Variants in HYCC2 observed in about 807,000 individuals in gnomAD.
HYCC2 encodes the protein hyccin 2.
the HYCC2 span, among the ~76,000 whole-genome samples, chr2:201,016,289 A>G: frequency 6.6e-6 from 1 of 152,114 alleles, no homozygotes; most frequent in Non-Finnish European, 1.5e-5. Flanking sequence ...AGACATTTGA[A>G]TTGTTTTTTC....
the HYCC2 span, among the ~76,000 whole-genome samples, chr2:201,054,819 CAT>C: frequency 2.6e-5 from 4 of 151,906 alleles, no homozygotes; most frequent in African/African-American, 9.7e-5. Context: ...TCCAAGAAAA[CAT>C]GTCGAATTTT....
At chr2:201,004,551 C>CAGCA in the HYCC2 span, among the ~76,000 whole-genome samples, 1 of 152,180 alleles carries the variant, frequency 6.6e-6, no homozygotes, top group African/African-American at 2.4e-5. Context: ...AAACAGATGC[C>CAGCA]AGCAGTCTCT....
At chr2:201,055,529 T>C in the HYCC2 span, among the ~76,000 whole-genome samples, 1 of 151,664 alleles carries the variant, frequency 6.6e-6, no homozygotes, top group African/African-American at 2.4e-5. Flanking sequence ...CAAAACCCTG[T>C]CTCAATAAAA....
chr2:201,030,220 A>T, the HYCC2 span, among the ~76,000 whole-genome samples: 48,239 of 152,114 alleles, frequency 0.32, 10,125 homozygotes, highest in African/African-American at 0.6. Context: ...CTGACCTTTG[A>T]TTTTTATTTA....
At chr2:201,020,185 C>T in the HYCC2 span, among the ~76,000 whole-genome samples, 1 of 152,272 alleles carries the variant, frequency 6.6e-6, no homozygotes, top group Admixed American at 6.5e-5. Context: ...TGATTCTGAC[C>T]TCCCTTAAAT....
chr2:200,995,691 C>T, the HYCC2 span, among the ~76,000 whole-genome samples: 1 of 152,186 alleles, frequency 6.6e-6, no homozygotes, highest in Non-Finnish European at 1.5e-5. Context: ...AACTTCTGAG[C>T]CTCAGATGAG....
the HYCC2 span, chr2:201,016,891 G>A: frequency 4.1e-6 from 5 of 1,228,174 alleles, no homozygotes; most frequent in East Asian, 1.2e-4. Flanking sequence ...ATGAGCCACT[G>A]CGCCTGGCCA....
the HYCC2 span, among the ~76,000 whole-genome samples, chr2:201,005,111 T>C: frequency 6.6e-6 from 1 of 151,756 alleles, no homozygotes; most frequent in East Asian, 1.9e-4. Flanking sequence ...ATGAAAGCAA[T>C]TGAAAAATGA....
chr2:201,042,687 A>C, the HYCC2 span, among the ~76,000 whole-genome samples: 16 of 147,906 alleles, frequency 1.1e-4, no homozygotes, highest in Middle Eastern at 7.3e-3. Flanking sequence ...GCAGCCGCCC[A>C]GTCCGGGAGC....
chr2:201,016,977 C>T, the HYCC2 span: 9 of 1,606,810 alleles, frequency 5.6e-6, 1 homozygote, highest in East Asian at 1.8e-4. Flanking sequence ...CCCAAACTGT[C>T]ATCTTCAACT....
chr2:201,027,511 A>C, the HYCC2 span, among the ~76,000 whole-genome samples: 2 of 152,198 alleles, frequency 1.3e-5, no homozygotes, highest in African/African-American at 4.8e-5. Flanking sequence ...GACACAACAA[A>C]AAAAGAGAAT....
the HYCC2 span, among the ~76,000 whole-genome samples, chr2:201,019,360 T>G: frequency 6.6e-6 from 1 of 152,142 alleles, no homozygotes; most frequent in South Asian, 2.1e-4. Flanking sequence ...AAATACAGGG[T>G]TACCAGCATT....
At chr2:201,018,686 T>C in the HYCC2 span, among the ~76,000 whole-genome samples, 1 of 152,146 alleles carries the variant, frequency 6.6e-6, no homozygotes, top group African/African-American at 2.4e-5. Context: ...TAAAAAATTT[T>C]CCAGAGGCTG....
At chr2:201,023,649 C>G in the HYCC2 span, 1 of 193,166 alleles carries the variant, frequency 5.2e-6, no homozygotes, top group Admixed American at 6.0e-5. Flanking sequence ...GGCATAAATC[C>G]TATTTTTGTG....
the HYCC2 span, among the ~76,000 whole-genome samples, chr2:201,046,224 G>C: frequency 6.6e-6 from 1 of 152,200 alleles, no homozygotes; most frequent in Non-Finnish European, 1.5e-5. Context: ...TTCTTAGAAA[G>C]TAATAACTAT....
At chr2:200,994,287 A>C in the HYCC2 span, among the ~76,000 whole-genome samples, 2 of 152,012 alleles carry the variant, frequency 1.3e-5, no homozygotes, top group East Asian at 3.9e-4. Context: ...CGCAGACTGG[A>C]AGTACAGTGG....
the HYCC2 span, among the ~76,000 whole-genome samples, chr2:201,008,273 T>C: frequency 2.0e-5 from 3 of 152,174 alleles, no homozygotes; most frequent in African/African-American, 7.2e-5. Flanking sequence ...AATTTCTAAA[T>C]TGCAGTACTA....
chr2:200,988,492 A>C, the HYCC2 span: 1 of 1,117,414 alleles, frequency 8.9e-7, no homozygotes, highest in African/African-American at 1.6e-5. Context: ...ACATGTGTCC[A>C]TAATTTTCGA....
chr2:201,005,016 C>CAAAAAAA, the HYCC2 span, among the ~76,000 whole-genome samples: 1 of 56,598 alleles, frequency 1.8e-5, no homozygotes, highest in Non-Finnish European at 3.6e-5. Flanking sequence ...GACTCCATCT[C>CAAAAAAA]AAAAAAAAAA....
Sources: gnomAD v4.1 joint callset for allele counts (sites outside exome capture counted in the v4.1 genomes callset) on GRCh38, gnomAD v4.1.1 for gene constraint, MANE v1.5 for transcripts, NCBI Gene and HGNC (gene_info 2026-07-23, HGNC 2026-07-21) for gene names.